Variants in SETD3 observed in about 807,000 individuals in gnomAD.
SETD3 encodes SET domain containing 3, actin N3(tau)-histidine methyltransferase.
Under a neutral mutation model 63.0 loss-of-function variants are expected in SETD3, and 19 were observed. That is an observed-to-expected ratio of 0.30 (90% CI 0.21 to 0.44). The LOEUF (loss-of-function observed/expected upper bound fraction) is 0.44, where lower values mean the gene tolerates loss of function less well. Among genes scored for constraint, SETD3 ranks in the 20% least tolerant of loss-of-function variants. The pLI is 1.00. For missense variants in SETD3, 587 were observed against 728.5 expected (o/e 0.81, Z 2.24); for synonymous variants, 286 against 264.1 (o/e 1.08, Z -0.80).
Position 99,424,805 on chromosome 14 carries a change from C to A in SETD3, c.676-10871G>T, listed in dbSNP as rs564517377. Among the ~76,000 whole-genome samples, 129 of 152,148 alleles carry A rather than the reference C, an allele frequency of 8.5e-4. 2 individuals are homozygous for A. The highest frequency in any genetic ancestry group is 2.6e-4 in the Admixed American group (4 of 15,290). Reference sequence around the variant, plus strand: ...GGGGAGCCCAGGAAGAGCTGAGACACAGAGACCCTGAATCTGTACCCAGGG... The same window carrying A: ...GGGGAGCCCAGGAAGAGCTGAGACAAAGAGACCCTGAATCTGTACCCAGGG... On this transcript the variant is annotated intron_variant, in intron 6 of 12. Transcript: ENST00000331768.
At chr14:99,447,985 CGA>C (rs1284308066) in intron 6 of SETD3, among the ~76,000 whole-genome samples, 1 of 152,088 alleles carries the variant, frequency 6.6e-6, no homozygotes, top group Admixed American at 6.5e-5. Flanking sequence ...AATACCAGTG[CGA>C]GAGAGGAGAT....
intron 6 of SETD3, among the ~76,000 whole-genome samples, chr14:99,457,282 T>G (rs1018631737): frequency 3.3e-5 from 5 of 152,246 alleles, no homozygotes; most frequent in African/African-American, 1.2e-4. Flanking sequence ...GTGATTGATT[T>G]CCACATGAAG....
In SETD3 at chr14:99,463,647, A is replaced by G. The variant is rs565883034; in HGVS notation, c.104-69T>C. ...ACTTAACCTACTAGTCTGCACAAGA[A>G]AGAGGATTTGGACTTTGTTGTTGCT... On this transcript the variant is annotated intron_variant, in intron 2 of 12. Transcript: ENST00000331768. The G allele has an allele frequency of 7.8e-4, 1,011 of 1,295,742 alleles. 13 individuals carry two copies. The South Asian group carries it at 0.011, about 14-fold the overall frequency. 80.3% of individuals were successfully genotyped at this position (1,295,742 alleles called of 1,614,324 possible).
intron 6 of SETD3, among the ~76,000 whole-genome samples, chr14:99,421,181 A>T (rs1417201554): frequency 6.6e-6 from 1 of 151,798 alleles, no homozygotes; most frequent in Non-Finnish European, 1.5e-5. Flanking sequence ...TATTCAAAAG[A>T]TATATATACT....
At chr14:99,484,831 T>C (rs538298310), upstream of SETD3, among the ~76,000 whole-genome samples, 1 of 152,276 alleles carries the variant, frequency 6.6e-6, no homozygotes, top group African/African-American at 2.4e-5. Flanking sequence ...TACTATTGTT[T>C]CCATAATTCT....
At chr14:99,417,525 C>G (rs1252629075) in intron 6 of SETD3, among the ~76,000 whole-genome samples, 1 of 152,190 alleles carries the variant, frequency 6.6e-6, no homozygotes, top group African/African-American at 2.4e-5. Context: ...TGCAAATGTT[C>G]CAGGGTGATC....
chr14:99,419,827 T>C (rs142454046), intron 6 of SETD3, among the ~76,000 whole-genome samples: 2 of 152,190 alleles, frequency 1.3e-5, no homozygotes, highest in East Asian at 3.9e-4. Context: ...TTGTATACTC[T>C]ATGATGGGCA....
intron 3 of SETD3, 84 bp from the exon 4 acceptor site, chr14:99,461,424 C>T: frequency 3.7e-6 from 5 of 1,367,910 alleles, no homozygotes; most frequent in Non-Finnish European, 5.0e-6. Flanking sequence ...AAAAACAGGC[C>T]ATAACTAACA....
chr14:99,479,846 G>A (rs1056900680), intron 1 of SETD3, among the ~76,000 whole-genome samples: 1 of 152,222 alleles, frequency 6.6e-6, no homozygotes, highest in African/African-American at 2.4e-5. Flanking sequence ...GTCCTAACCC[G>A]CGAATGCCTT....
intron 6 of SETD3, among the ~76,000 whole-genome samples, chr14:99,442,600 A>C (rs944175176): frequency 2.0e-5 from 3 of 152,198 alleles, no homozygotes; most frequent in African/African-American, 7.2e-5. Flanking sequence ...ACCCACTCCC[A>C]CTAATGAATA....
chr14:99,446,290 T>C (rs570090528), intron 6 of SETD3, among the ~76,000 whole-genome samples: 2 of 152,328 alleles, frequency 1.3e-5, no homozygotes, highest in Admixed American at 1.3e-4. Flanking sequence ...CTGGCCTCTA[T>C]TCTGACTTCT....
chr14:99,468,913 C>T (rs955059865), intron 1 of SETD3, among the ~76,000 whole-genome samples: 1 of 152,156 alleles, frequency 6.6e-6, no homozygotes, highest in Non-Finnish European at 1.5e-5. Flanking sequence ...AGGTGCTACA[C>T]AGAGGATGCC....
intron 1 of SETD3, among the ~76,000 whole-genome samples, chr14:99,467,395 G>A (rs1555363630): frequency 1.3e-5 from 2 of 152,118 alleles, no homozygotes; most frequent in Non-Finnish European, 2.9e-5. Context: ...TCTTAGAAGA[G>A]AAAAAAATCT....
intron 4 of SETD3, among the ~76,000 whole-genome samples, chr14:99,460,721 G>T (rs923719974): frequency 6.6e-6 from 1 of 152,154 alleles, no homozygotes; most frequent in Non-Finnish European, 1.5e-5. Context: ...TCCTTAGTAG[G>T]TGGCTGTTTC....
intron 11 of SETD3, 79 bp from the exon 12 acceptor site, chr14:99,400,338 A>T: frequency 6.9e-7 from 1 of 1,452,756 alleles, no homozygotes; most frequent in South Asian, 1.3e-5. Flanking sequence ...ACCTTAGAAA[A>T]TATTGTTTCC....
At chr14:99,486,136 A>T in the SETD3 span, among the ~76,000 whole-genome samples, 1 of 152,200 alleles carries the variant, frequency 6.6e-6, no homozygotes, top group Non-Finnish European at 1.5e-5. Flanking sequence ...AACTTTCCTT[A>T]GTTCCTTGTC....
chr14:99,476,125 C>A (rs1297543624), intron 1 of SETD3, among the ~76,000 whole-genome samples: 2 of 152,208 alleles, frequency 1.3e-5, no homozygotes, highest in African/African-American at 4.8e-5. Flanking sequence ...TAGGTATTAA[C>A]AAGTCCCCTT....
intron 6 of SETD3, among the ~76,000 whole-genome samples, chr14:99,417,149 G>A (rs1308917187): frequency 2.0e-5 from 3 of 152,064 alleles, no homozygotes; most frequent in Non-Finnish European, 2.9e-5. Flanking sequence ...TTAAAGTTCC[G>A]TCTTGAACTA....
Position 99,463,513 on chromosome 14 carries a change from C to G in SETD3, c.169G>C (p.Val57Leu). ...WEEYVQIRTLVEKIRKKQKGL... is the reference protein window; with the variant it reads ...WEEYVQIRTLLEKIRKKQKGL... ...TTTTGCTTTTTCCGTATTTTCTCAA[C>G]CAGAGTCCGGATCTGCACATACTCT... Residue 57 changes from valine to leucine, a missense_variant, in exon 3 of 13, where the codon GTT becomes CTT. By Grantham distance (32) the Val-to-Leu change is conservative. Transcript: ENST00000331768. 6.2e-7 allele frequency: 1 copy of G among 1,614,008 alleles called. No individual in the cohort carries two copies. The highest frequency in any genetic ancestry group is 2.2e-5 in the East Asian group (1 of 44,886).
Sources: allele counts gnomAD v4.1 joint callset (sites outside exome capture counted in the v4.1 genomes callset), GRCh38; gene constraint gnomAD v4.1.1; transcripts MANE v1.5; gene names NCBI Gene and HGNC (gene_info 2026-07-23, HGNC 2026-07-21).